Variants in ALOX12 observed in about 807,000 individuals in gnomAD.
The protein encoded by ALOX12 is polyunsaturated fatty acid lipoxygenase ALOX12.
In ALOX12, 62 loss-of-function variants were observed where a neutral mutation model predicts 85.5. That is an observed-to-expected ratio of 0.73 (90% CI 0.59 to 0.90). The LOEUF is 0.90. ALOX12 is among the 40% of genes least tolerant of loss of function. The pLI is 0.00. For missense variants in ALOX12, 751 were observed against 856.5 expected (o/e 0.88, Z 1.54); for synonymous variants, 299 against 332.7 (o/e 0.90, Z 1.10).
chr17:7,004,060 TAATAA>T (rs1223439831), intron 8 of ALOX12, among the ~76,000 whole-genome samples: 1 of 38,182 alleles, frequency 2.6e-5, no homozygotes, highest in Non-Finnish European at 7.5e-5. Flanking sequence ...ATTTTTAATT[TAATAA>T]ATTTTAATTT....
In ALOX12 at chr17:6,996,261, G is replaced by C; in HGVS notation, c.135+9G>C. ...GGCCCGCGCGGGGCGAGGTCAGCGC[G>C]GGGAGCGAGGGGAGCTAGGGCAGCG... On this transcript the variant is annotated intron_variant, in intron 1 of 13. Transcript: ENST00000251535. 8.1e-7 allele frequency: 1 copy of C among 1,230,916 alleles called. No individual in the cohort carries two copies. The highest frequency in any genetic ancestry group is 3.2e-5 in the East Asian group (1 of 31,186). 76.2% of individuals were successfully genotyped at this position (1,230,916 alleles called of 1,614,324 possible). A position where few individuals can be genotyped will look rare whatever the true frequency, so the allele number is the denominator to read the frequency against.
chr17:6,997,145 G>A, intron 2 of ALOX12, 118 bp downstream of exon 2: 1 of 1,423,840 alleles, frequency 7.0e-7, no homozygotes, highest in Non-Finnish European at 9.2e-7. Flanking sequence ...CAGGGCAGGT[G>A]AAATGTAGGG....
Position 7,001,732 on chromosome 17 carries a change from T to G in ALOX12, c.1082T>G (p.Leu361Trp). Residue 361 changes from leucine to tryptophan, a missense_variant, in exon 8 of 14, where the codon TTG (leucine) becomes TGG (tryptophan). Physicochemically the swap from Leu to Trp is moderately conservative, Grantham distance 61. Coordinates refer to ENST00000251535, the MANE Select transcript of ALOX12 (RefSeq NM_000697.3). ...DFQLHEIQYH[L>W]LNTHLVAEVI... ...CAACTGCACGAGATCCAGTATCACT[T>G]GCTGAACACTCACCTGGTGGCTGAG... 2 of 1,614,014 alleles carry G rather than the reference T, an allele frequency of 1.2e-6. No homozygotes were observed. The highest frequency in any genetic ancestry group is 1.1e-5 in the South Asian group (1 of 91,080).
intron 2 of ALOX12, among the ~76,000 whole-genome samples, chr17:6,997,735 T>A (rs904485472): frequency 9.9e-5 from 15 of 151,502 alleles, no homozygotes; most frequent in Admixed American, 3.3e-4. Context: ...TTTTTTATAT[T>A]TTTTTTAGTA....
chr17:7,004,851 T>TA (rs1908956852), intron 8 of ALOX12, among the ~76,000 whole-genome samples: 1 of 152,182 alleles, frequency 6.6e-6, no homozygotes, highest in African/African-American at 2.4e-5. Context: ...AAGGCACCTA[T>TA]ACTCAAGGTA....
Position 6,996,164 on chromosome 17 carries a change from C to A in ALOX12, c.47C>A (p.Ser16Tyr). The change falls in exon 1 of 14, where the codon TCC (serine) becomes TAC (tyrosine). Residue 16 changes from serine (S) to tyrosine (Y), a missense_variant. Physicochemically the swap from Ser to Tyr is moderately radical, Grantham distance 144. Transcript: ENST00000251535. ...GTGGCCACCGGGGCCTGGCTCTTCT[C>A]CGGGTCGTACAACCGCGTGCAGCTT... is the stretch of plus-strand genomic sequence containing the variant. ...IRVATGAWLF[S>Y]GSYNRVQLWL... 8.0e-7 allele frequency: 1 copy of A among 1,254,298 alleles called. No homozygotes were observed. 77.7% of individuals were successfully genotyped at this position (1,254,298 alleles called of 1,614,324 possible). A position where few individuals can be genotyped will look rare whatever the true frequency, so the allele number is the denominator to read the frequency against.
chr17:7,004,394 T>G (rs896481322), intron 8 of ALOX12, among the ~76,000 whole-genome samples: 2 of 141,380 alleles, frequency 1.4e-5, no homozygotes, highest in Non-Finnish European at 3.1e-5. Flanking sequence ...AATTTAATAT[T>G]AATTAATTTA....
At chr17:7,001,458 C>T in intron 7 of ALOX12, 144 bp from the exon 8 acceptor site, 1 of 847,002 alleles carries the variant, frequency 1.2e-6, no homozygotes, top group Non-Finnish European at 1.9e-6. Flanking sequence ...TAGCGAGCGG[C>T]AGGCTGGGAG....
Position 7,002,205 on chromosome 17 carries a change from T to G in ALOX12, c.1161+394T>G, listed in dbSNP as rs1346465992. On this transcript the variant is annotated intron_variant, in intron 8 of 13. Transcript: ENST00000251535. ...GGGACAGCCTATAACAGTATAGTAT[T>G]GATGAAGAATGTTTCTACCCAATTG... is the stretch of plus-strand genomic sequence containing the variant. 9.1e-6 allele frequency: 3 copies of G among 329,872 alleles called. No homozygotes were observed. The East Asian group carries it at 2.6e-4, about 28-fold the overall frequency. 20.4% of individuals were successfully genotyped at this position (329,872 alleles called of 1,614,324 possible).
rs1908668915 is a variant in ALOX12, at chr17:7,000,772, T to C, written c.951+293T>C. 2.0e-5 allele frequency among the ~76,000 whole-genome samples: 3 copies of C among 152,176 alleles called. No individual in the cohort carries two copies. On this transcript the variant is annotated intron_variant, in intron 7 of 13. Transcript: ENST00000251535. The surrounding 1 kb of genome is among the most constrained non-coding windows in gnomAD (Gnocchi z 4.6). ...TTGAAATGCAGATTTCTGGATCCCA[T>C]GACCAGACTTTCTGATTCAGTATGT...
intron 1 of ALOX12, 44 bp downstream of exon 1, chr17:6,996,296 G>A (rs1255907145): frequency 4.9e-6 from 6 of 1,222,042 alleles, no homozygotes; most frequent in Non-Finnish European, 6.1e-6. Context: ...GGGGACCCCG[G>A]GCCCAGGCCC....
At chr17:7,006,141 C>A in intron 10 of ALOX12, 114 bp downstream of exon 10, 1 of 911,124 alleles carries the variant, frequency 1.1e-6, no homozygotes, top group Non-Finnish European at 1.6e-6. Flanking sequence ...AGAACTCAAT[C>A]CTGGGGAGAG....
In ALOX12 at chr17:7,009,790, C is replaced by G; in HGVS notation, c.1584C>G (p.Phe528Leu). 1 of 1,614,232 alleles carries G rather than the reference C, an allele frequency of 6.2e-7. No homozygotes were observed. The highest frequency in any genetic ancestry group is 2.2e-5 in the East Asian group (1 of 44,886). ...SFQSQSQLCH[F>L]LTMCVFTCTA... The stretch of plus-strand genomic sequence containing the variant: ...AGTCCCAGAGTCAACTCTGCCATTT[C>G]CTCACCATGTGCGTCTTCACGTGCA... The change falls in exon 12 of 14, where the codon TTC (phenylalanine) becomes TTG (leucine). Residue 528 changes from phenylalanine (F) to leucine (L), a missense_variant. Transcript: ENST00000251535.
chr17:7,000,646 T>C lies in ALOX12; in HGVS notation c.951+167T>C, dbSNP rs564520109. Among the ~76,000 whole-genome samples, 1 of 152,310 alleles carries C rather than the reference T, an allele frequency of 6.6e-6. No individual in the cohort carries two copies. Among genetic ancestry groups the C allele is most frequent in the Non-Finnish European group, 1.5e-5 (1 of 68,024 alleles). ...CCTCGTCTCCCCTGCCTCATCCAAC[T>C]AGAATTACTTTTTCAAGAGTCAAAA... On this transcript the variant is annotated intron_variant, in intron 7 of 13. Coordinates refer to ENST00000251535, the MANE Select transcript of ALOX12 (RefSeq NM_000697.3). This position sits in a 1 kb window ranked among gnomAD's most constrained non-coding sequence, Gnocchi z 4.6.
At chr17:7,001,988 CATT>C in intron 8 of ALOX12, 177 bp downstream of exon 8, 1 of 619,406 alleles carries the variant, frequency 1.6e-6, no homozygotes, top group East Asian at 2.8e-5. Flanking sequence ...AGTCACTTAA[CATT>C]ATATAGGAAT....
In ALOX12 at chr17:7,001,724, G is replaced by A. The variant is rs1908720500; in HGVS notation, c.1074G>A (p.Gln358=). ...CAGATTTCCAACTGCACGAGATCCA[G>A]TATCACTTGCTGAACACTCACCTGG... is the stretch of plus-strand genomic sequence containing the variant. ...RNSDFQLHEI[Q]YHLLNTHLVA... Residue 358 remains glutamine, a synonymous_variant, in exon 8 of 14, where the codon CAG becomes CAA. Transcript: ENST00000251535. 1 of 1,614,078 alleles carries A rather than the reference G, an allele frequency of 6.2e-7. No individual in the cohort carries two copies. Among genetic ancestry groups the A allele is most frequent in the Admixed American group, 1.7e-5 (1 of 60,016 alleles).
At chr17:7,008,440 T>C (rs1250858602) in intron 11 of ALOX12, among the ~76,000 whole-genome samples, 2 of 152,232 alleles carry the variant, frequency 1.3e-5, no homozygotes, top group South Asian at 2.1e-4. Context: ...TTCTTACCTA[T>C]AAAATGAGAG....
At chr17:6,996,805 G>T (rs1018806893) in intron 1 of ALOX12, 21 bp from the exon 2 acceptor site, 1 of 1,599,398 alleles carries the variant, frequency 6.3e-7, no homozygotes, top group African/African-American at 1.3e-5. Context: ...ACTAAGTCTG[G>T]CCTGGGTCCG....
chr17:6,997,400 G>A (rs772873152), intron 2 of ALOX12, among the ~76,000 whole-genome samples: 8 of 152,062 alleles, frequency 5.3e-5, no homozygotes, highest in Non-Finnish European at 8.8e-5. Flanking sequence ...TGGAACAGGA[G>A]GGGGTGGGTG....
Sources: gnomAD v4.1 joint callset for allele counts (sites outside exome capture counted in the v4.1 genomes callset) on GRCh38, gnomAD v4.1.1 for gene constraint, Gnocchi (gnomAD v3.1) non-coding constraint, MANE v1.5 for transcripts, NCBI Gene and HGNC (gene_info 2026-07-23, HGNC 2026-07-21) for gene names.